Variants in PRKD1 observed in about 807,000 individuals in gnomAD.
The protein encoded by PRKD1 is serine/threonine-protein kinase D1.
In PRKD1, 63 loss-of-function variants were observed where a neutral mutation model predicts 95.9. The ratio of observed to expected loss-of-function variants is 0.66; its 90% CI spans 0.54 to 0.81. The LOEUF (loss-of-function observed/expected upper bound fraction) is 0.81. Among genes scored for constraint, PRKD1 ranks in the 30% least tolerant of loss-of-function variants. PRKD1 has a pLI of 0.00. For synonymous variants in PRKD1, 425 were observed against 423.1 expected (o/e 1.00, Z -0.05); for missense variants, 1,048 against 1,165.3 (o/e 0.90, Z 1.47).
At chr14:29,657,067 C>A (rs377042589) in intron 4 of PRKD1, among the ~76,000 whole-genome samples, 6 of 152,094 alleles carry the variant, frequency 3.9e-5, no homozygotes, top group Non-Finnish European at 8.8e-5. Flanking sequence ...GAAAAACATG[C>A]CTACAATGTA....
At chr14:29,696,626 T>C (rs1470663043) in intron 2 of PRKD1, among the ~76,000 whole-genome samples, 2 of 152,226 alleles carry the variant, frequency 1.3e-5, no homozygotes, top group Non-Finnish European at 2.9e-5. Context: ...TTTTATGGTA[T>C]ATGAATTATA....
At chr14:29,607,142 A>G (rs1243427374) in intron 13 of PRKD1, among the ~76,000 whole-genome samples, 1 of 152,220 alleles carries the variant, frequency 6.6e-6, no homozygotes, top group Non-Finnish European at 1.5e-5. Flanking sequence ...GCATTTAAAA[A>G]TGATTTGGGC....
chr14:29,834,258 G>C (rs994234005), intron 1 of PRKD1, among the ~76,000 whole-genome samples: 19 of 152,058 alleles, frequency 1.2e-4, no homozygotes, highest in Middle Eastern at 3.2e-3. Context: ...TCCAGGTTGT[G>C]ATCTGGGCAA....
chr14:29,686,700 T>G (rs1349890532), intron 2 of PRKD1, among the ~76,000 whole-genome samples: 1 of 152,210 alleles, frequency 6.6e-6, no homozygotes, highest in Non-Finnish European at 1.5e-5. Flanking sequence ...AGTAGACTGC[T>G]CTATACTTCA....
intron 1 of PRKD1, among the ~76,000 whole-genome samples, chr14:29,903,163 A>AT (rs1894377794): frequency 6.6e-6 from 1 of 152,170 alleles, no homozygotes; most frequent in African/African-American, 2.4e-5. Flanking sequence ...TTAACAGAGA[A>AT]TTTTCCCCCA....
At chr14:29,655,709 C>T (rs1349963328) in intron 4 of PRKD1, among the ~76,000 whole-genome samples, 2 of 152,126 alleles carry the variant, frequency 1.3e-5, no homozygotes, top group East Asian at 3.9e-4. Flanking sequence ...GAGGGCTTAA[C>T]TAAAACCTTT....
intron 1 of PRKD1, among the ~76,000 whole-genome samples, chr14:29,874,148 G>A (rs1367559969): frequency 7.2e-5 from 11 of 152,130 alleles, no homozygotes; most frequent in Admixed American, 7.2e-4. Context: ...TCAGCTTTGA[G>A]TTTTAGCTGA....
intron 6 of PRKD1, chr14:29,638,154 G>A (rs1390783636): frequency 5.4e-5 from 14 of 258,880 alleles, no homozygotes; most frequent in Non-Finnish European, 1.0e-4. Context: ...AAGAGACTGA[G>A]AGCTATAACT....
intron 12 of PRKD1, 70 bp downstream of exon 12, chr14:29,626,414 A>G: frequency 8.1e-7 from 1 of 1,238,252 alleles, no homozygotes; most frequent in Non-Finnish European, 1.2e-6. Context: ...TTTTTCCTGT[A>G]AATATCGCTT....
chr14:29,867,707 C>T (rs1892958495), intron 1 of PRKD1, among the ~76,000 whole-genome samples: 1 of 152,190 alleles, frequency 6.6e-6, no homozygotes, highest in Non-Finnish European at 1.5e-5. Context: ...GGTACAGAGG[C>T]AGAATGAGCC....
Position 29,577,130 on chromosome 14 carries a change from TGTTCTCATCTGACAGAAAATA to T in PRKD1, c.*87_*107del. 8.6e-7 allele frequency: 1 copy of T among 1,157,342 alleles called. No individual in the cohort carries two copies. The highest frequency in any genetic ancestry group is 1.5e-5 in the African/African-American group (1 of 65,952). 71.7% of individuals were successfully genotyped at this position (1,157,342 alleles called of 1,614,324 possible). ...AACAGTGCTAACAGTTTAACAGCTT[TGTTCTCATCTGACAGAAAATA>T]ATGGCAGTTCTGCAAGGCAAATGTT... is the stretch of plus-strand genomic sequence containing the variant. On this transcript the variant is annotated 3_prime_UTR_variant, in exon 18 of 18. Coordinates refer to ENST00000331968, the MANE Select transcript of PRKD1 (RefSeq NM_002742.3).
At chr14:29,916,545 G>A (rs56871860) in intron 1 of PRKD1, among the ~76,000 whole-genome samples, 7,998 of 152,208 alleles carry the variant, frequency 0.053, 240 homozygotes, top group South Asian at 0.093. Context: ...AAAAAGCTAC[G>A]GCTGTTTGGT....
intron 2 of PRKD1, among the ~76,000 whole-genome samples, chr14:29,691,040 G>C (rs1884203157): frequency 6.6e-6 from 1 of 152,138 alleles, no homozygotes; most frequent in Admixed American, 6.5e-5. Context: ...CTCATGCTTA[G>C]CACAGGGCAT....
At chr14:29,774,690 A>T (rs946015) in intron 1 of PRKD1, among the ~76,000 whole-genome samples, 38,848 of 152,134 alleles carry the variant, frequency 0.26, 5,466 homozygotes, top group African/African-American at 0.36. Flanking sequence ...CAACTATACA[A>T]TTTATAAGTC....
chr14:29,902,182 C>T (rs150876567), intron 1 of PRKD1, among the ~76,000 whole-genome samples: 6 of 151,896 alleles, frequency 4.0e-5, no homozygotes, highest in Non-Finnish European at 8.8e-5. Context: ...CTGCTTGAAC[C>T]CGGGAGGCAG....
intron 1 of PRKD1, among the ~76,000 whole-genome samples, chr14:29,848,704 A>G (rs940208559): frequency 3.9e-5 from 6 of 152,254 alleles, no homozygotes; most frequent in Non-Finnish European, 8.8e-5. Flanking sequence ...ACAGAAAACT[A>G]TAATCCATCC....
chr14:29,685,382 A>G (rs1883797660), intron 2 of PRKD1, among the ~76,000 whole-genome samples: 2 of 152,246 alleles, frequency 1.3e-5, no homozygotes, highest in African/African-American at 4.8e-5. Context: ...ATCTGCAGGG[A>G]AGCTTCATTC....
chr14:29,765,850 G>A (rs560203405), intron 1 of PRKD1, among the ~76,000 whole-genome samples: 1 of 152,202 alleles, frequency 6.6e-6, no homozygotes, highest in South Asian at 2.1e-4. Context: ...GTACATATAG[G>A]TGGTAACATT....
intron 1 of PRKD1, among the ~76,000 whole-genome samples, chr14:29,772,730 C>A (rs1174140606): frequency 6.6e-6 from 1 of 152,150 alleles, no homozygotes; most frequent in Non-Finnish European, 1.5e-5. Flanking sequence ...ACTTCCCTGC[C>A]TCCAAAGACT....
Sources: allele counts gnomAD v4.1 joint callset (sites outside exome capture counted in the v4.1 genomes callset), GRCh38; gene constraint gnomAD v4.1.1; transcripts MANE v1.5; gene names NCBI Gene and HGNC (gene_info 2026-07-23, HGNC 2026-07-21).